Variants in C8orf34 observed in about 807,000 individuals in gnomAD.
C8orf34 encodes chromosome 8 open reading frame 34, also known as uncharacterized protein C8orf34.
A neutral mutation model predicts 68.3 loss-of-function variants in C8orf34; 65 were observed. That is an observed-to-expected ratio of 0.95 (90% CI 0.78 to 1.17). C8orf34 has a LOEUF of 1.17. C8orf34 is among the 50% of genes most tolerant of loss of function. C8orf34 has a pLI of 0.00. For synonymous variants in C8orf34, 244 were observed against 241.2 expected, an observed-to-expected ratio of 1.01 and a Z score of -0.11; for missense variants, 664 against 655.4, an observed-to-expected ratio of 1.01 and a Z score of -0.14.
At chr8:68,492,189 C>T (rs780184447) in intron 5 of C8orf34, among the ~76,000 whole-genome samples, 8 of 152,114 alleles carry the variant, frequency 5.3e-5, no homozygotes, top group Admixed American at 6.6e-5. Flanking sequence ...TAGTATCTAC[C>T]AAATTAAGCC....
intron 7 of C8orf34, among the ~76,000 whole-genome samples, chr8:68,553,137 G>A (rs1214779364): frequency 2.0e-5 from 3 of 152,004 alleles, no homozygotes; most frequent in Non-Finnish European, 2.9e-5. Context: ...TGTAATCCCA[G>A]CACTTTGGGA....
At chr8:68,674,790 G>A (rs1414796253) in intron 8 of C8orf34, among the ~76,000 whole-genome samples, 4 of 152,014 alleles carry the variant, frequency 2.6e-5, no homozygotes, top group Non-Finnish European at 5.9e-5. Flanking sequence ...CGTACAAGAA[G>A]GTTATAGAAT....
intron 7 of C8orf34, among the ~76,000 whole-genome samples, chr8:68,559,100 A>G (rs1179679586): frequency 6.6e-6 from 1 of 152,174 alleles, no homozygotes; most frequent in African/African-American, 2.4e-5. Flanking sequence ...AAACAAGGTA[A>G]GATCATATTT....
chr8:68,352,709 A>G (rs1806563216), intron 1 of C8orf34, among the ~76,000 whole-genome samples: 1 of 152,148 alleles, frequency 6.6e-6, no homozygotes. Context: ...GTGTTAAAAT[A>G]TATCAAAGTG....
chr8:68,602,312 C>T (rs901643620), intron 7 of C8orf34, among the ~76,000 whole-genome samples: 4 of 152,112 alleles, frequency 2.6e-5, no homozygotes, highest in African/African-American at 9.7e-5. Flanking sequence ...TATTCTCTCA[C>T]TGCTGTAAAG....
chr8:68,504,706 G>A (rs1012464526), intron 5 of C8orf34, among the ~76,000 whole-genome samples: 1 of 144,166 alleles, frequency 6.9e-6, no homozygotes, highest in Non-Finnish European at 1.5e-5. Context: ...TTTTGAGACA[G>A]TCTTGCTCTG....
At chr8:68,762,969 A>G (rs1823062527) in intron 10 of C8orf34, among the ~76,000 whole-genome samples, 1 of 152,180 alleles carries the variant, frequency 6.6e-6, no homozygotes, top group Admixed American at 6.5e-5. Flanking sequence ...GATGTAATGA[A>G]GCATTGGAAT....
chr8:68,468,917 T>C (rs1397039045), intron 4 of C8orf34, 97 bp downstream of exon 4: 3 of 1,332,230 alleles, frequency 2.3e-6, no homozygotes, highest in Non-Finnish European at 3.1e-6. Context: ...AACATCCTCA[T>C]TCTAATTCTG....
intron 1 of C8orf34, among the ~76,000 whole-genome samples, chr8:68,400,099 T>C (rs148961681): frequency 1.1e-3 from 166 of 152,276 alleles, no homozygotes; most frequent in African/African-American, 3.9e-3. Context: ...GCAAATATTT[T>C]CTCCCATTTG....
chr8:68,663,442 C>A (rs746189121), intron 8 of C8orf34, among the ~76,000 whole-genome samples: 3 of 152,196 alleles, frequency 2.0e-5, no homozygotes, highest in Non-Finnish European at 4.4e-5. Context: ...CCCCTCTACA[C>A]ATCTTGGTAT....
rs368505306 is a variant in C8orf34, at chr8:68,535,329, T to C, written c.1105+2180T>C. 60 of 982,448 alleles carry C rather than the reference T, an allele frequency of 6.1e-5. No homozygotes were observed. In the African/African-American group the frequency reaches 9.4e-4, roughly 15 times the overall value. The allele number at this position is 982,448 out of a possible 1,614,324, so 60.9% of individuals were successfully genotyped here. ...TTGTAGATGTGTGTGCTATAGCTTA[T>C]GTGTTTGTAAATGTTTAACTTGTCT... is the stretch of plus-strand genomic sequence containing the variant. On this transcript the variant is annotated intron_variant, in intron 7 of 13. Transcript: ENST00000518698.
chr8:68,749,239 G>C (rs867925544), intron 10 of C8orf34, among the ~76,000 whole-genome samples: 9 of 152,144 alleles, frequency 5.9e-5, no homozygotes, highest in Middle Eastern at 3.4e-3. Flanking sequence ...GACTGTTGTG[G>C]GGTGGGGGGA....
intron 1 of C8orf34, among the ~76,000 whole-genome samples, chr8:68,349,920 G>T (rs2129618475): frequency 6.6e-6 from 1 of 151,366 alleles, no homozygotes; most frequent in East Asian, 1.9e-4. Context: ...ATCAACTCCT[G>T]GTTTGGTTGA....
At chr8:68,666,367 A>G (rs1283462998) in intron 8 of C8orf34, among the ~76,000 whole-genome samples, 1 of 152,222 alleles carries the variant, frequency 6.6e-6, no homozygotes, top group East Asian at 1.9e-4. Flanking sequence ...ACAAGCAGTG[A>G]GAATAAATTT....
intron 2 of C8orf34, 26 bp from the exon 3 acceptor site, chr8:68,446,303 A>G: frequency 5.8e-6 from 9 of 1,554,010 alleles, no homozygotes; most frequent in Non-Finnish European, 7.8e-6. Context: ...CTTTGTTGCC[A>G]TTTTATATAT....
chr8:68,665,820 CTTA>C (rs145416348), intron 8 of C8orf34, among the ~76,000 whole-genome samples: 28,135 of 151,964 alleles, frequency 0.19, 2,989 homozygotes, highest in Non-Finnish European at 0.24. Flanking sequence ...AGTATCGTCA[CTTA>C]TTATTGATTT....
chr8:68,717,398 C>A (rs1275241594), intron 9 of C8orf34, among the ~76,000 whole-genome samples: 1 of 151,348 alleles, frequency 6.6e-6, no homozygotes, highest in Non-Finnish European at 1.5e-5. Context: ...GAGGCTGAGG[C>A]AGGAGAATGG....
At chr8:68,439,350 C>T (rs576896094) in intron 1 of C8orf34, 149 bp from the exon 2 acceptor site, 14 of 611,988 alleles carry the variant, frequency 2.3e-5, no homozygotes, top group Middle Eastern at 3.0e-4. Context: ...AACTTGTAGC[C>T]GTCTGAAAAG....
intron 8 of C8orf34, among the ~76,000 whole-genome samples, chr8:68,665,633 A>G (rs1174506242): frequency 6.6e-6 from 1 of 152,140 alleles, no homozygotes; most frequent in African/African-American, 2.4e-5. Context: ...TAACATGTCA[A>G]CTAGATTCCA....
Sources: allele counts gnomAD v4.1 joint callset (sites outside exome capture counted in the v4.1 genomes callset), GRCh38; gene constraint gnomAD v4.1.1; transcripts MANE v1.5; gene names NCBI Gene and HGNC (gene_info 2026-07-23, HGNC 2026-07-21).